The following TMED10 variants were observed in gnomAD, a reference collection of about 807,000 sequenced individuals.
The protein encoded by TMED10 is transmembrane emp24 domain-containing protein 10.
In TMED10, 7 loss-of-function variants were observed where a neutral mutation model predicts 23.1. The observed-to-expected ratio is 0.30, with a 90% CI of 0.17 to 0.57. The LOEUF is 0.57. Ranked by LOEUF, TMED10 falls within the 20% of genes least tolerant of loss-of-function variation. TMED10 has a pLI of 0.91. For missense variants in TMED10, 162 were observed against 274.8 expected, an observed-to-expected ratio of 0.59 and a Z score of 2.90; for synonymous variants, 113 against 106.9, an observed-to-expected ratio of 1.06 and a Z score of -0.35.
chr14:75,169,444 G>A (rs945147484), intron 1 of TMED10, among the ~76,000 whole-genome samples: 2 of 152,080 alleles, frequency 1.3e-5, no homozygotes, highest in Non-Finnish European at 2.9e-5. Context: ...GATCACCTGA[G>A]GTCAGGAGTT....
At chr14:75,160,109 C>T (rs1354618602) in intron 1 of TMED10, among the ~76,000 whole-genome samples, 2 of 152,172 alleles carry the variant, frequency 1.3e-5, no homozygotes, top group African/African-American at 4.8e-5. Context: ...GGCAGGCAAC[C>T]TGACAACTGA....
chr14:75,142,183 A>G (rs889554340), intron 3 of TMED10, among the ~76,000 whole-genome samples: 20 of 152,340 alleles, frequency 1.3e-4, no homozygotes, highest in African/African-American at 4.6e-4. Context: ...AATGTGCACC[A>G]CAGGTTCTCC....
At chr14:75,135,105 ACT>A in intron 4 of TMED10, 99 bp from the exon 5 acceptor site, 1 of 1,451,420 alleles carries the variant, frequency 6.9e-7, no homozygotes, top group East Asian at 2.3e-5. Flanking sequence ...AATTAACTTC[ACT>A]CTGTCCCTAG....
intron 3 of TMED10, among the ~76,000 whole-genome samples, chr14:75,146,715 G>A (rs1449163249): frequency 6.6e-6 from 1 of 152,002 alleles, no homozygotes; most frequent in Non-Finnish European, 1.5e-5. Flanking sequence ...GTTTTTATTA[G>A]TCTATAATAA....
At chr14:75,152,421 T>C (rs569594565) in intron 1 of TMED10, among the ~76,000 whole-genome samples, 1 of 152,330 alleles carries the variant, frequency 6.6e-6, no homozygotes, top group East Asian at 1.9e-4. Context: ...TAGCTAATGC[T>C]CCAAGTTACA....
In TMED10 at chr14:75,158,444, C is replaced by G. The variant is rs148009731; in HGVS notation, c.226-6301G>C. Reference sequence around the variant, plus strand: ...GTAGGCTCAAGCCATCCTTCTGCCTCAGTCTTCCGCGTAGCTGGGACTACA... The same window carrying G: ...GTAGGCTCAAGCCATCCTTCTGCCTGAGTCTTCCGCGTAGCTGGGACTACA... On this transcript the variant is annotated intron_variant, in intron 1 of 4. Transcript: ENST00000303575. Among the ~76,000 whole-genome samples, 155 of 152,294 alleles carry G rather than the reference C, an allele frequency of 1.0e-3. 5 individuals are homozygous for G. The East Asian group carries it at 0.028, about 28-fold the overall frequency.
intron 1 of TMED10, among the ~76,000 whole-genome samples, chr14:75,175,034 C>A (rs1896285137): frequency 1.6e-5 from 1 of 62,964 alleles, no homozygotes; most frequent in Non-Finnish European, 2.8e-5. Flanking sequence ...AGCAAGACTC[C>A]GTCTCAAAAA....
intron 3 of TMED10, among the ~76,000 whole-genome samples, chr14:75,145,110 G>C (rs1419199146): frequency 1.3e-5 from 2 of 152,234 alleles, no homozygotes; most frequent in Admixed American, 6.5e-5. Flanking sequence ...GGTGGGGATA[G>C]ATGTTAAAGA....
chr14:75,165,067 T>C (rs141046645), intron 1 of TMED10, among the ~76,000 whole-genome samples: 5 of 152,176 alleles, frequency 3.3e-5, no homozygotes, highest in African/African-American at 1.2e-4. Context: ...AGAGAGAGGA[T>C]TGAGGTTGCA....
rs562179618 is a variant in TMED10, at chr14:75,171,915, G to A, written c.225+4440C>T. Among the ~76,000 whole-genome samples, 5 of 151,888 alleles carry A rather than the reference G, an allele frequency of 3.3e-5. No individual in the cohort carries two copies. In the East Asian group the frequency reaches 7.7e-4, roughly 23 times the overall value. On this transcript the variant is annotated intron_variant, in intron 1 of 4. Coordinates refer to ENST00000303575, the MANE Select transcript of TMED10 (RefSeq NM_006827.6). ...CACCCTCGACAGAAAGATTAAACCT[G>A]AATCTGGTTACATCTTTTTTTTTTT...
chr14:75,148,240 G>A (rs763461286), intron 2 of TMED10, among the ~76,000 whole-genome samples: 1 of 151,992 alleles, frequency 6.6e-6, no homozygotes, highest in African/African-American at 2.4e-5. Context: ...GCTAAGCTTG[G>A]ATTTACTTAA....
intron 1 of TMED10, among the ~76,000 whole-genome samples, chr14:75,153,729 T>TATAAC (rs913722590): frequency 6.6e-6 from 1 of 152,034 alleles, no homozygotes; most frequent in African/African-American, 2.4e-5. Context: ...AAAAGTACTT[T>TATAAC]ATAACAGTAG....
chr14:75,158,847 C>T (rs1404552446), intron 1 of TMED10, among the ~76,000 whole-genome samples: 1 of 152,060 alleles, frequency 6.6e-6, no homozygotes, highest in Non-Finnish European at 1.5e-5. Context: ...TCACTTGAAC[C>T]CGGGAGATGG....
intron 2 of TMED10, 64 bp downstream of exon 2, chr14:75,151,968 T>C (rs1895960699): frequency 3.7e-6 from 5 of 1,346,396 alleles, no homozygotes; most frequent in African/African-American, 1.5e-5. Context: ...AAGTGCTGAC[T>C]GTATTAAGGA....
intron 1 of TMED10, among the ~76,000 whole-genome samples, chr14:75,163,802 T>C (rs902653781): frequency 1.3e-5 from 2 of 152,058 alleles, no homozygotes; most frequent in African/African-American, 2.4e-5. Flanking sequence ...TGAGGATTTT[T>C]TTTTTTTAGA....
At chr14:75,158,543 G>T (rs947476796) in intron 1 of TMED10, among the ~76,000 whole-genome samples, 12 of 151,964 alleles carry the variant, frequency 7.9e-5, no homozygotes, top group Non-Finnish European at 4.4e-5. Context: ...GCCCAGGCTG[G>T]TCTCGAACTC....
chr14:75,138,819 T>TA (rs1895785717), intron 3 of TMED10, among the ~76,000 whole-genome samples: 4 of 100,440 alleles, frequency 4.0e-5, no homozygotes, highest in African/African-American at 1.3e-4. Context: ...CTTCTTTTTT[T>TA]TTTTTTTTTT....
rs1243918883 is a variant in TMED10 at position 75,164,561 on chromosome 14, ATATATATATATATATATTTT to A, written c.225+11774_225+11793del. On this transcript the variant is annotated intron_variant, in intron 1 of 4. Coordinates refer to ENST00000303575, the MANE Select transcript of TMED10 (RefSeq NM_006827.6). ...TATATATATATATATATATATATAT[ATATATATATATATATATTTT>A]TTTTTTTTTTTTTGTATTTTTAGAA... is the stretch of plus-strand genomic sequence containing the variant. 7.4e-3 allele frequency among the ~76,000 whole-genome samples: 107 copies of A among 14,374 alleles called. 6 individuals are homozygous for A. The East Asian group carries it at 0.082, about 11-fold the overall frequency. 9.4% of individuals were successfully genotyped at this position (14,374 alleles called of 152,430 possible).
intron 2 of TMED10, 27 bp from the exon 3 acceptor site, chr14:75,147,764 G>A: frequency 6.2e-7 from 1 of 1,613,170 alleles, no homozygotes; most frequent in Non-Finnish European, 8.5e-7. Context: ...AGGAATCATT[G>A]TGTGAAATAC....
Sources: allele counts gnomAD v4.1 joint callset (sites outside exome capture counted in the v4.1 genomes callset), GRCh38; gene constraint gnomAD v4.1.1; transcripts MANE v1.5; gene names NCBI Gene and HGNC (gene_info 2026-07-23, HGNC 2026-07-21).